Variants in TENM2 observed in about 807,000 individuals in gnomAD.
The protein encoded by TENM2 is teneurin-2.
In TENM2, 52 loss-of-function variants were observed where a neutral mutation model predicts 245.2. The ratio of observed to expected loss-of-function variants is 0.21; its 90% CI spans 0.17 to 0.27. The LOEUF is 0.27. Ranked by LOEUF, TENM2 falls within the 10% of genes least tolerant of loss-of-function variation. The probability of loss-of-function intolerance (pLI) is 1.00; values close to 1 mark genes in which losing one functional copy is unlikely to be tolerated. For missense variants in TENM2, 3,046 were observed against 3,666.8 expected (o/e 0.83, Z 4.37); for synonymous variants, 1,363 against 1,438.9 (o/e 0.95, Z 1.19).
In TENM2 at chr5:168,218,533, T is replaced by A. The variant is rs1205120129; in HGVS notation, c.4642T>A (p.Ser1548Thr). 1 of 1,613,908 alleles carries A rather than the reference T, an allele frequency of 6.2e-7. No homozygotes were observed. The highest frequency in any genetic ancestry group is 8.5e-7 in the Non-Finnish European group (1 of 1,179,912). The change falls in exon 23 of 29, where the codon TCC (serine) becomes ACC (threonine). Residue 1548 changes from serine (S) to threonine (T), a missense_variant. Coordinates refer to ENST00000518659, the Ensembl canonical transcript of TENM2. This position sits in a 1 kb window ranked among gnomAD's most constrained non-coding sequence, Gnocchi z 5.2. Reference sequence around the variant, plus strand: ...TGATGCCATCTTGAATTCCCCATCATCCTTAGCTGTAGCTCCAGATGGTAC... The same window carrying A: ...TGATGCCATCTTGAATTCCCCATCAACCTTAGCTGTAGCTCCAGATGGTAC...
chr5:167,299,751 C>A (rs961796930), intron 1 of TENM2, among the ~76,000 whole-genome samples: 1 of 151,938 alleles, frequency 6.6e-6, no homozygotes, highest in Non-Finnish European at 1.5e-5. Flanking sequence ...TCAGGTGGAT[C>A]AGAGAGATGC....
chr5:167,347,280 G>A (rs1283765383), intron 1 of TENM2, among the ~76,000 whole-genome samples: 1 of 152,110 alleles, frequency 6.6e-6, no homozygotes, highest in African/African-American at 2.4e-5. Context: ...ATGGTAGAAG[G>A]CACTATCTTT....
the TENM2 span, among the ~76,000 whole-genome samples, chr5:167,038,018 C>A: frequency 6.6e-6 from 1 of 152,222 alleles, no homozygotes; most frequent in Non-Finnish European, 1.5e-5. Context: ...GTGGGAGAAC[C>A]TTTCCCAAAG....
intron 7 of TENM2, chr5:168,085,368 T>C (rs913991801): frequency 2.0e-5 from 3 of 152,200 alleles, no homozygotes; most frequent in Non-Finnish European, 4.4e-5. Flanking sequence ...TCTGCTTGAT[T>C]CTTGCCTGTG....
chr5:167,884,154 C>CTA (rs1774098851), intron 3 of TENM2, among the ~76,000 whole-genome samples: 1 of 152,204 alleles, frequency 6.6e-6, no homozygotes, highest in Non-Finnish European at 1.5e-5. Flanking sequence ...TCCGATACAT[C>CTA]TAAATACCGT....
chr5:167,837,803 G>GT (rs1769138698), intron 2 of TENM2, among the ~76,000 whole-genome samples: 2 of 139,320 alleles, frequency 1.4e-5, no homozygotes, highest in Non-Finnish European at 3.1e-5. Flanking sequence ...AAAAGGGCTT[G>GT]GTTTTTTTTT....
chr5:167,488,256 C>T (rs1356633819), intron 2 of TENM2, among the ~76,000 whole-genome samples: 2 of 152,086 alleles, frequency 1.3e-5, no homozygotes, highest in African/African-American at 4.8e-5. Context: ...AAAAATGACC[C>T]TAACTCTTCC....
At chr5:167,624,513 C>T (rs889101162) in intron 2 of TENM2, among the ~76,000 whole-genome samples, 4 of 152,138 alleles carry the variant, frequency 2.6e-5, no homozygotes, top group Non-Finnish European at 4.4e-5. Flanking sequence ...CTCAGCATCA[C>T]ACAGTATACC....
At chr5:167,478,546 G>T (rs1767547900) in intron 2 of TENM2, among the ~76,000 whole-genome samples, 1 of 152,218 alleles carries the variant, frequency 6.6e-6, no homozygotes, top group South Asian at 2.1e-4. Context: ...CCATCCACCA[G>T]CCGGATATGG....
intron 2 of TENM2, among the ~76,000 whole-genome samples, chr5:167,837,651 C>T (rs1769123143): frequency 6.6e-6 from 1 of 152,186 alleles, no homozygotes; most frequent in African/African-American, 2.4e-5. Flanking sequence ...TATCCATATT[C>T]TTATTTGCAC....
intron 2 of TENM2, among the ~76,000 whole-genome samples, chr5:167,484,247 A>G (rs1767931605): frequency 1.3e-5 from 2 of 152,308 alleles, no homozygotes; most frequent in African/African-American, 4.8e-5. Context: ...CGGGAGGCTG[A>G]GGCAGGAGAA....
chr5:167,414,178 A>G (rs576688186), intron 2 of TENM2, among the ~76,000 whole-genome samples: 10 of 152,270 alleles, frequency 6.6e-5, no homozygotes, highest in African/African-American at 2.2e-4. Context: ...CATACCAGGT[A>G]GATACGGACT....
chr5:167,010,326 T>C, the TENM2 span, among the ~76,000 whole-genome samples: 1 of 152,064 alleles, frequency 6.6e-6, no homozygotes, highest in African/African-American at 2.4e-5. Context: ...GAGGTTGCAG[T>C]GAGCTGAGAT....
chr5:167,861,074 C>G, intron 2 of TENM2, among the ~76,000 whole-genome samples: 1 of 145,290 alleles, frequency 6.9e-6, no homozygotes, highest in Non-Finnish European at 1.5e-5. Flanking sequence ...AAAAAGAAAA[C>G]AACGTCAAAA....
intron 2 of TENM2, among the ~76,000 whole-genome samples, chr5:167,557,915 A>G (rs578226789): frequency 3.0e-4 from 45 of 152,384 alleles, no homozygotes; most frequent in African/African-American, 1.0e-3. Flanking sequence ...CTCATTTTAC[A>G]GAAGAGAGTA....
At chr5:167,392,281 G>T (rs1761803242) in intron 2 of TENM2, among the ~76,000 whole-genome samples, 1 of 152,150 alleles carries the variant, frequency 6.6e-6, no homozygotes, top group African/African-American at 2.4e-5. Context: ...GTGTCAGTTT[G>T]ACTGGACCGT....
At chr5:167,088,353 G>A in the TENM2 span, among the ~76,000 whole-genome samples, 6 of 152,066 alleles carry the variant, frequency 3.9e-5, no homozygotes, top group Admixed American at 6.6e-5. Flanking sequence ...GTGTTCGGGC[G>A]CGGTGACTCA....
chr5:168,234,579 C>T (rs1012445105), intron 25 of TENM2, among the ~76,000 whole-genome samples: 1 of 152,200 alleles, frequency 6.6e-6, no homozygotes, highest in Non-Finnish European at 1.5e-5. Context: ...ATCTAAAACT[C>T]CTGGCCCTGA....
At chr5:167,282,541 T>G (rs1268547872), upstream of TENM2, among the ~76,000 whole-genome samples, 1 of 152,224 alleles carries the variant, frequency 6.6e-6, no homozygotes, top group Non-Finnish European at 1.5e-5. Context: ...ACCATGTATA[T>G]TTTAATTTTT....
Sources: gnomAD v4.1 joint callset for allele counts (sites outside exome capture counted in the v4.1 genomes callset) on GRCh38, gnomAD v4.1.1 for gene constraint, Gnocchi (gnomAD v3.1) non-coding constraint, MANE v1.5 for transcripts, NCBI Gene and HGNC (gene_info 2026-07-23, HGNC 2026-07-21) for gene names.